Variants in NRCAM observed in about 807,000 individuals in gnomAD.
NRCAM encodes the protein neuronal cell adhesion molecule.
In NRCAM, 83 loss-of-function variants were observed where a neutral mutation model predicts 156.5. The ratio of observed to expected loss-of-function variants is 0.53; its 90% CI spans 0.44 to 0.64. The LOEUF (loss-of-function observed/expected upper bound fraction) is 0.64. NRCAM is among the 30% of genes least tolerant of loss of function. The pLI, the probability that NRCAM is intolerant of heterozygous loss-of-function variation, is 0.00. For synonymous variants in NRCAM, 538 were observed against 563.9 expected (o/e 0.95, Z 0.65); for missense variants, 1,417 against 1,597.3 (o/e 0.89, Z 1.92).
chr7:108,269,068 T>C (rs1400256403), intron 3 of NRCAM, among the ~76,000 whole-genome samples: 1 of 151,930 alleles, frequency 6.6e-6, no homozygotes, highest in Non-Finnish European at 1.5e-5. Flanking sequence ...AAGTATGGCT[T>C]TGGGCTGGGA....
At chr7:108,164,257 G>A (rs1486770310) in intron 30 of NRCAM, among the ~76,000 whole-genome samples, 1 of 151,996 alleles carries the variant, frequency 6.6e-6, no homozygotes, top group African/African-American at 2.4e-5. Context: ...GGTCATACCA[G>A]TAGTACGGGG....
intron 1 of NRCAM, among the ~76,000 whole-genome samples, chr7:108,399,970 A>G (rs2099787361): frequency 6.6e-6 from 1 of 152,230 alleles, no homozygotes; most frequent in Non-Finnish European, 1.5e-5. Context: ...AATCACATCA[A>G]CAACAGGCCG....
At chr7:108,391,929 C>T (rs1344401299) in intron 2 of NRCAM, among the ~76,000 whole-genome samples, 1 of 152,370 alleles carries the variant, frequency 6.6e-6, no homozygotes, top group East Asian at 1.9e-4. Flanking sequence ...TGCAGAGTTT[C>T]TGCCGAGAGA....
intron 28 of NRCAM, among the ~76,000 whole-genome samples, chr7:108,171,053 T>C (rs560145799): frequency 1.3e-5 from 2 of 152,352 alleles, no homozygotes; most frequent in African/African-American, 4.8e-5. Context: ...GCATGCTGTT[T>C]AGCCACTTTT....
intron 11 of NRCAM, among the ~76,000 whole-genome samples, chr7:108,223,237 A>G (rs2092777015): frequency 6.6e-6 from 1 of 152,206 alleles, no homozygotes; most frequent in Admixed American, 6.5e-5. Context: ...TAACAGATAC[A>G]TGAGCATGCT....
chr7:108,425,848 A>G (rs1320370989), intron 1 of NRCAM, among the ~76,000 whole-genome samples: 2 of 152,216 alleles, frequency 1.3e-5, no homozygotes, highest in South Asian at 2.1e-4. Context: ...TGGTTCACAC[A>G]TCAGACAGAA....
At chr7:108,211,925 T>G (rs2084720541) in intron 11 of NRCAM, among the ~76,000 whole-genome samples, 1 of 152,218 alleles carries the variant, frequency 6.6e-6, no homozygotes, top group African/African-American at 2.4e-5. Flanking sequence ...GGAAAGCACC[T>G]GGCAGGAGGC....
chr7:108,189,514 T>C (rs2069692416), intron 20 of NRCAM, 131 bp downstream of exon 20: 2 of 616,154 alleles, frequency 3.2e-6, no homozygotes, highest in Non-Finnish European at 5.7e-6. Context: ...TAAATAAATA[T>C]TTTTATTCTA....
chr7:108,359,088 G>C (rs1403617837), intron 2 of NRCAM, among the ~76,000 whole-genome samples: 1 of 152,108 alleles, frequency 6.6e-6, no homozygotes, highest in Non-Finnish European at 1.5e-5. Context: ...GGCTATTTTA[G>C]AGTTTTTGAA....
chr7:108,367,007 T>C (rs1312910834), intron 2 of NRCAM, among the ~76,000 whole-genome samples: 1 of 152,240 alleles, frequency 6.6e-6, no homozygotes, highest in Non-Finnish European at 1.5e-5. Flanking sequence ...ACTGAAATGA[T>C]TTTGAAGAGA....
At chr7:108,387,752 C>T (rs1254840546) in intron 2 of NRCAM, among the ~76,000 whole-genome samples, 4 of 148,426 alleles carry the variant, frequency 2.7e-5, no homozygotes, top group African/African-American at 9.9e-5. Context: ...TGTTCCCCTT[C>T]CTGTGTCCAA....
intron 3 of NRCAM, among the ~76,000 whole-genome samples, chr7:108,255,591 G>A (rs1449996888): frequency 4.0e-5 from 6 of 151,176 alleles, no homozygotes; most frequent in African/African-American, 9.8e-5. Context: ...CCGCCACCCC[G>A]TCTGGGAAGT....
chr7:108,260,460 A>T (rs995175363), intron 3 of NRCAM, among the ~76,000 whole-genome samples: 10 of 152,182 alleles, frequency 6.6e-5, no homozygotes, highest in Admixed American at 2.0e-4. Flanking sequence ...GAGAGCCAAT[A>T]TGGAGGAGTA....
intron 1 of NRCAM, among the ~76,000 whole-genome samples, chr7:108,417,148 G>C (rs1802590848): frequency 6.6e-6 from 1 of 152,152 alleles, no homozygotes; most frequent in South Asian, 2.1e-4. Context: ...AAATAATACT[G>C]GTGCTTCTAA....
At position 108,160,475 on chromosome 7, in the gene NRCAM, C is replaced by T; in HGVS notation, c.3484G>A (p.Val1162Met). ...AACCAGCCCTGAGTTGCAATATCCA[C>T]CTGCCGGCTTGCCATCGCTGGAAAA... ...ETGPAMASRQ[V>M]DIATQGWFIG... Residue 1162 changes from valine to methionine, a missense_variant, in exon 31 of 33, where the codon GTG (valine) becomes ATG (methionine). Physicochemically the swap from Val to Met is conservative, Grantham distance 21 (BLOSUM62 1). Around this residue, in one of 2 missense-constraint regions of NRCAM, gnomAD observed 179 missense variants for 260.9 expected, o/e 0.69. Transcript: ENST00000379028. The T allele has an allele frequency of 1.9e-6, 3 of 1,613,196 alleles. No individual in the cohort carries two copies. The highest frequency in any genetic ancestry group is 2.5e-6 in the Non-Finnish European group (3 of 1,179,582).
At chr7:108,430,518 C>T (rs184408962) in intron 1 of NRCAM, among the ~76,000 whole-genome samples, 10 of 152,238 alleles carry the variant, frequency 6.6e-5, no homozygotes, top group South Asian at 4.2e-4. Flanking sequence ...AGTGAAAGGA[C>T]GGGGCTGCCA....
chr7:108,377,230 GAGC>G (rs2099679958), intron 2 of NRCAM, among the ~76,000 whole-genome samples: 1 of 152,074 alleles, frequency 6.6e-6, no homozygotes, highest in Admixed American at 6.6e-5. Flanking sequence ...CAGAAAATTT[GAGC>G]ATTAGGAAAT....
chr7:108,206,586 CA>C (rs1184862962), intron 13 of NRCAM, among the ~76,000 whole-genome samples: 1 of 152,078 alleles, frequency 6.6e-6, no homozygotes, highest in Non-Finnish European at 1.5e-5. Flanking sequence ...CTCCTCTCGG[CA>C]GTAGCTGGTG....
At chr7:108,278,745 C>T (rs1234697818) in intron 3 of NRCAM, among the ~76,000 whole-genome samples, 7 of 152,218 alleles carry the variant, frequency 4.6e-5, no homozygotes, top group Non-Finnish European at 8.8e-5. Flanking sequence ...TGCTTTGGCT[C>T]GCCCTCCATG....
Sources: allele counts gnomAD v4.1 joint callset (sites outside exome capture counted in the v4.1 genomes callset), GRCh38; gene constraint gnomAD v4.1.1; regional missense constraint gnomAD v4.1.1; transcripts MANE v1.5; gene names NCBI Gene and HGNC (gene_info 2026-07-23, HGNC 2026-07-21).